Variants in CFAP91 observed in about 807,000 individuals in gnomAD.
The protein encoded by CFAP91 is cilia- and flagella-associated protein 91.
A neutral mutation model predicts 95.9 loss-of-function variants in CFAP91; 85 were observed. That is an observed-to-expected ratio of 0.89 (90% CI 0.74 to 1.06). The LOEUF (loss-of-function observed/expected upper bound fraction) is 1.06, where lower values mean the gene tolerates loss of function less well. CFAP91 is among the 50% of genes least tolerant of loss of function. The pLI, the probability that CFAP91 is intolerant of heterozygous loss-of-function variation, is 0.00. For missense variants in CFAP91, 962 were observed against 943.4 expected, an observed-to-expected ratio of 1.02 and a Z score of -0.26; for synonymous variants, 335 against 327.5, an observed-to-expected ratio of 1.02 and a Z score of -0.25.
chr3:119,744,143 C>T lies in CFAP91; in HGVS notation c.1849C>T (p.Arg617Trp), dbSNP rs202065099. 9.9e-6 allele frequency: 16 copies of T among 1,613,708 alleles called. No homozygotes were observed. Among genetic ancestry groups the T allele is most frequent in the Middle Eastern group, 1.7e-4 (1 of 6,052 alleles). The change falls in exon 14 of 18, where the codon CGG (arginine) becomes TGG (tryptophan). Residue 617 changes from arginine (R) to tryptophan (W), a missense_variant. Arg to Trp is a moderately radical substitution (Grantham distance 101). Coordinates refer to ENST00000273390, the MANE Select transcript of CFAP91 (RefSeq NM_033364.4). ...RRVREAEESG[R>W]RQVEKQRLRE... ...GGTACGAGAGGCTGAAGAGAGTGGT[C>T]GGCGCCAGGTGGAAAAACAGCGCCT...
At chr3:119,739,118 G>A (rs1447611791) in intron 11 of CFAP91, 137 bp from the exon 12 acceptor site, 3 of 713,896 alleles carry the variant, frequency 4.2e-6, no homozygotes, top group African/African-American at 1.8e-5. Flanking sequence ...TAAGGGCAGG[G>A]ACCATCTTTT....
At chr3:119,745,603 C>G (rs1349998055) in intron 14 of CFAP91, among the ~76,000 whole-genome samples, 2 of 152,238 alleles carry the variant, frequency 1.3e-5, no homozygotes, top group Non-Finnish European at 2.9e-5. Flanking sequence ...AACTTTCCAC[C>G]TCTCTACTAT....
intron 7 of CFAP91, 122 bp from the exon 8 acceptor site, chr3:119,730,098 G>A: frequency 9.9e-7 from 1 of 1,011,444 alleles, no homozygotes. Context: ...TGCCAGAGTG[G>A]TCTTTTGGCA....
intron 10 of CFAP91, among the ~76,000 whole-genome samples, chr3:119,735,232 A>G (rs1346797478): frequency 6.6e-6 from 1 of 151,988 alleles, no homozygotes; most frequent in Non-Finnish European, 1.5e-5. Flanking sequence ...TTTCTGTGTT[A>G]TATTTTTAAT....
Position 119,714,365 on chromosome 3 carries a change from CAAAAAAAAAAA to C in CFAP91, c.501-1187_501-1177del, listed in dbSNP as rs1265042198. On this transcript the variant is annotated intron_variant, in intron 5 of 17. Transcript: ENST00000273390. ...TGGGCGACAGAGCGAGACTCCGTCT[CAAAAAAAAAAA>C]AAAAAAAAAGAAAGAAACGCTGGAG... 1.9e-4 allele frequency among the ~76,000 whole-genome samples: 25 copies of C among 128,604 alleles called. 1 individual carries two copies. In the East Asian group the frequency reaches 5.0e-3, roughly 26 times the overall value. The allele number at this position is 128,604 out of a possible 152,430, so 84.4% of individuals were successfully genotyped here. A position where few individuals can be genotyped will look rare whatever the true frequency, so the allele number is the denominator to read the frequency against.
chr3:119,715,323 T>C, intron 5 of CFAP91: 2 of 630,980 alleles, frequency 3.2e-6, no homozygotes, highest in Non-Finnish European at 5.7e-6. Flanking sequence ...GGCACTTCTG[T>C]GGGTCAACCA....
At chr3:119,705,734 G>T (rs2053345937) in intron 1 of CFAP91, among the ~76,000 whole-genome samples, 1 of 152,122 alleles carries the variant, frequency 6.6e-6, no homozygotes, top group East Asian at 1.9e-4. Context: ...GTTGTTTGTT[G>T]TCTCTCTCTC....
intron 17 of CFAP91, among the ~76,000 whole-genome samples, chr3:119,759,823 A>G (rs192420326): frequency 9.9e-5 from 15 of 152,110 alleles, no homozygotes; most frequent in Admixed American, 3.3e-4. Context: ...TATTGTAACT[A>G]TAAGGTGTTT....
intron 12 of CFAP91, among the ~76,000 whole-genome samples, chr3:119,740,227 A>G (rs1342800306): frequency 2.0e-5 from 3 of 152,256 alleles, no homozygotes; most frequent in African/African-American, 7.2e-5. Context: ...CCTCAGGTTT[A>G]TTAGGGAAGG....
intron 17 of CFAP91, among the ~76,000 whole-genome samples, chr3:119,756,903 A>T (rs2054441487): frequency 6.6e-6 from 1 of 152,248 alleles, no homozygotes; most frequent in Admixed American, 6.5e-5. Flanking sequence ...ACCAAATTTT[A>T]TCACTGACTA....
At chr3:119,740,767 C>T in intron 13 of CFAP91, 72 bp downstream of exon 13, 1 of 1,480,086 alleles carries the variant, frequency 6.8e-7, no homozygotes, top group Non-Finnish European at 9.2e-7. Flanking sequence ...CACACAGCAC[C>T]ATTATAATAA....
rs202065099 is a variant in CFAP91 at position 119,744,143 on chromosome 3, C to A, written c.1849C>A (p.Arg617=). ...GGTACGAGAGGCTGAAGAGAGTGGT[C>A]GGCGCCAGGTGGAAAAACAGCGCCT... The part of the protein sequence containing the change: ...RRVREAEESG[R]RQVEKQRLRE... Residue 617 remains arginine (R), a synonymous_variant, in exon 14 of 18, where the codon CGG becomes AGG. Transcript: ENST00000273390. 1 of 1,613,708 alleles carries A rather than the reference C, an allele frequency of 6.2e-7. No individual in the cohort carries two copies. Among genetic ancestry groups the A allele is most frequent in the Non-Finnish European group, 8.5e-7 (1 of 1,179,872 alleles).
At chr3:119,722,221 A>C (rs1254621685) in intron 6 of CFAP91, among the ~76,000 whole-genome samples, 1 of 151,620 alleles carries the variant, frequency 6.6e-6, no homozygotes, top group East Asian at 1.9e-4. Flanking sequence ...AAAGAAAAAG[A>C]AGAGAAAAAT....
Position 119,703,171 on chromosome 3 carries a change from T to G in CFAP91, c.73T>G (p.Ser25Ala), listed in dbSNP as rs770371693. The G allele has an allele frequency of 7.5e-6, 12 of 1,606,984 alleles. No homozygotes were observed. The highest frequency in any genetic ancestry group is 1.0e-5 in the Non-Finnish European group (12 of 1,176,730). ...QVSQTRYRERSRAGSHISSNR... is the reference protein window; with the variant it reads ...QVSQTRYRERARAGSHISSNR... The stretch of plus-strand genomic sequence containing the variant: ...GTCTCAAACTCGGTACCGGGAGAGG[T>G]CGCGGGCTGGGAGCCACATCTCCTC... Residue 25 changes from serine to alanine, a missense_variant, in exon 1 of 18, where the codon TCG becomes GCG. Physicochemically the swap from Ser to Ala is moderately conservative, Grantham distance 99. Transcript: ENST00000273390.
intron 7 of CFAP91, among the ~76,000 whole-genome samples, chr3:119,727,722 A>T (rs1053454711): frequency 1.3e-5 from 2 of 152,236 alleles, no homozygotes; most frequent in African/African-American, 4.8e-5. Flanking sequence ...CTGTACAAAA[A>T]GTGCTTGGTG....
At chr3:119,747,090 G>T in intron 14 of CFAP91, 25 bp from the exon 15 acceptor site, 1 of 1,512,186 alleles carries the variant, frequency 6.6e-7, no homozygotes, top group Non-Finnish European at 8.9e-7. Flanking sequence ...ACCTGTTTTA[G>T]TGAGGGTATT....
At chr3:119,707,215 A>G in intron 2 of CFAP91, 189 bp from the exon 3 acceptor site, 1 of 524,030 alleles carries the variant, frequency 1.9e-6, no homozygotes, top group Non-Finnish European at 3.3e-6. Flanking sequence ...CCCCCTCCAC[A>G]TAAACAGCCA....
At chr3:119,743,061 C>A (rs2054150157) in intron 13 of CFAP91, among the ~76,000 whole-genome samples, 1 of 151,944 alleles carries the variant, frequency 6.6e-6, no homozygotes, top group Admixed American at 6.6e-5. Context: ...CTGTAGCTGA[C>A]TTCTGGCAGA....
At chr3:119,729,324 T>G (rs768967413) in intron 7 of CFAP91, among the ~76,000 whole-genome samples, 1 of 151,872 alleles carries the variant, frequency 6.6e-6, no homozygotes, top group Non-Finnish European at 1.5e-5. Context: ...TGACTGGAGA[T>G]TCAAATAGAT....
Sources: allele counts gnomAD v4.1 joint callset (sites outside exome capture counted in the v4.1 genomes callset), GRCh38; gene constraint gnomAD v4.1.1; transcripts MANE v1.5; gene names NCBI Gene and HGNC (gene_info 2026-07-23, HGNC 2026-07-21).